Variants in PLA2G4D observed in about 807,000 individuals in gnomAD.
PLA2G4D encodes the protein cytosolic phospholipase A2 delta.
In PLA2G4D, 80 loss-of-function variants were observed where a neutral mutation model predicts 94.4. The observed-to-expected ratio is 0.85, with a 90% confidence interval of 0.71 to 1.02. The LOEUF is 1.02. Among genes scored for constraint, PLA2G4D ranks in the 50% least tolerant of loss-of-function variants. PLA2G4D has a pLI of 0.00. For synonymous variants in PLA2G4D, 438 were observed against 440.9 expected (o/e 0.99, Z 0.08); for missense variants, 1,050 against 1,034.7 (o/e 1.01, Z -0.20).
At chr15:42,072,200 A>C in intron 14 of PLA2G4D, 75 bp downstream of exon 14, 1 of 1,337,394 alleles carries the variant, frequency 7.5e-7, no homozygotes, top group Non-Finnish European at 1.1e-6. Context: ...TTCCAGCATG[A>C]ATTCTCTGGG....
chr15:42,070,283 A>T (rs557257120), intron 18 of PLA2G4D, 188 bp from the exon 19 acceptor site: 146 of 585,912 alleles, frequency 2.5e-4, no homozygotes, highest in Non-Finnish European at 3.4e-4. Context: ...GTGGTCTGCA[A>T]TGTTGTTTGG....
At chr15:42,072,414 G>T (rs1465011135) in intron 13 of PLA2G4D, 22 bp from the exon 14 acceptor site, 2 of 1,584,450 alleles carry the variant, frequency 1.3e-6, no homozygotes, top group Non-Finnish European at 1.7e-6. Context: ...GGGCATCAGG[G>T]CCTAAGTGAG....
At chr15:42,083,389 G>T in intron 7 of PLA2G4D, 55 bp from the exon 8 acceptor site, 1 of 1,565,752 alleles carries the variant, frequency 6.4e-7, no homozygotes, top group South Asian at 1.2e-5. Context: ...ACCCCAGCTC[G>T]GACCTGGGAC....
chr15:42,089,758 C>T (rs1890218051), intron 1 of PLA2G4D, among the ~76,000 whole-genome samples: 1 of 152,194 alleles, frequency 6.6e-6, no homozygotes, highest in African/African-American at 2.4e-5. Context: ...CCTCGCTCCC[C>T]TGCTCCCCCG....
rs1890055596 is a variant in PLA2G4D, at chr15:42,082,372, G to A, written c.690C>T (p.Gly230=). ...ACCCAGCTGAGTTGTCCCCATTCCA[G>A]CCATTGCTTCTGGAGCTCTGAAGGG... ...SGRLRSSRSN[G]WNGDNSAGYL... Residue 230 remains glycine, a synonymous_variant, in exon 9 of 20, where the codon GGC becomes GGT. Transcript: ENST00000290472. 30 of 1,613,950 alleles carry A rather than the reference G, an allele frequency of 1.9e-5. No homozygotes were observed. Among genetic ancestry groups the A allele is most frequent in the Non-Finnish European group, 2.5e-5 (30 of 1,179,902 alleles).
chr15:42,089,902 C>G (rs1332052200), intron 1 of PLA2G4D, among the ~76,000 whole-genome samples: 1 of 152,212 alleles, frequency 6.6e-6, no homozygotes, highest in Non-Finnish European at 1.5e-5. Flanking sequence ...TCATTTCTCC[C>G]TCCCATCACT....
intron 1 of PLA2G4D, among the ~76,000 whole-genome samples, chr15:42,088,858 C>T (rs2141103796): frequency 6.6e-6 from 1 of 152,246 alleles, no homozygotes; most frequent in East Asian, 1.9e-4. Flanking sequence ...GGGGATCCTG[C>T]AGGGCCACAG....
Position 42,069,915 on chromosome 15 carries a change from C to A in PLA2G4D, c.2224G>T (p.Ala742Ser). 1 of 1,422,184 alleles carries A rather than the reference C, an allele frequency of 7.0e-7. No individual in the cohort carries two copies. Among genetic ancestry groups the A allele is most frequent in the Non-Finnish European group, 9.2e-7 (1 of 1,088,082 alleles). 88.1% of individuals were successfully genotyped at this position (1,422,184 alleles called of 1,614,324 possible). The change falls in exon 19 of 20, where the codon GCC (alanine) becomes TCC (serine). Residue 742 changes from alanine (A) to serine (S), a missense_variant. Physicochemically the swap from Ala to Ser is moderately conservative, Grantham distance 99. Transcript: ENST00000290472. Reference sequence around the variant, plus strand: ...TTGGGAGGGGCTGCCTCACCGGGGGCTGAGTGGTCCTTGAAGGAGGCATTG... The same window carrying A: ...TTGGGAGGGGCTGCCTCACCGGGGGATGAGTGGTCCTTGAAGGAGGCATTG... The part of the protein sequence containing the change: ...LVNASFKDHS[A>S]PGVQRSPAEL...
At position 42,081,560 on chromosome 15, in the gene PLA2G4D, G is replaced by A. The variant is rs1245140283; in HGVS notation, c.876C>T (p.Ala292=). The change falls in exon 11 of 20, where the codon GCC becomes GCT. Residue 292 remains alanine, a synonymous_variant. Transcript: ENST00000290472. ...LGFNLCAEEQ[A]FLSRRKQVVA... ...CCACCTGCTTCCTCCTGCTCAGGAA[G>A]GCCTGCTCCTCTGCACAGAGATTGA... 1.2e-6 allele frequency: 2 copies of A among 1,614,208 alleles called. No individual in the cohort carries two copies. Among genetic ancestry groups the A allele is most frequent in the African/African-American group, 1.3e-5 (1 of 75,056 alleles).
intron 13 of PLA2G4D, among the ~76,000 whole-genome samples, chr15:42,078,959 T>G (rs1490165617): frequency 6.6e-6 from 1 of 152,258 alleles, no homozygotes; most frequent in Non-Finnish European, 1.5e-5. Flanking sequence ...TAGTTTTGTC[T>G]TGATGCTGTT....
rs142001551 is a variant in PLA2G4D at position 42,081,073 on chromosome 15, C to G, written c.1018G>C (p.Gly340Arg). 6.2e-7 allele frequency: 1 copy of G among 1,614,140 alleles called. No individual in the cohort carries two copies. The highest frequency in any genetic ancestry group is 2.2e-5 in the East Asian group (1 of 44,878). The change falls in exon 12 of 20, where the codon GGC becomes CGC. Residue 340 changes from glycine (G) to arginine (R), a missense_variant. Coordinates refer to ENST00000290472, the MANE Select transcript of PLA2G4D (RefSeq NM_178034.4). ...AGCTTCTGCAAGGCCAATAGGTGGC[C>G]GTAGAGTGAGGTCATGGCCCGGGCA... ...GGARAMTSLY[G>R]HLLALQKLGL...
chr15:42,081,013 T>C lies in PLA2G4D; in HGVS notation c.1078A>G (p.Ile360Val), dbSNP rs1372856712. 1 of 1,613,900 alleles carries C rather than the reference T, an allele frequency of 6.2e-7. No homozygotes were observed. The highest frequency in any genetic ancestry group is 1.3e-5 in the African/African-American group (1 of 74,916). Residue 360 changes from isoleucine (I) to valine (V), a missense_variant, in exon 12 of 20, where the codon ATC (isoleucine) becomes GTC (valine). Physicochemically the swap from Ile to Val is conservative, Grantham distance 29. Coordinates refer to ENST00000290472, the MANE Select transcript of PLA2G4D (RefSeq NM_178034.4). ...LLDCVTYFSG[I>V]SGSTWTMAHL... is the part of the protein sequence containing the mutation. The stretch of plus-strand genomic sequence containing the variant: ...GATCCTCACCACGTAGAGCCAGAGA[T>C]GCCACTGAAGTAGGTCACACAGTCT...
intron 4 of PLA2G4D, among the ~76,000 whole-genome samples, chr15:42,085,750 T>C (rs1431064317): frequency 6.6e-6 from 1 of 152,174 alleles, no homozygotes; most frequent in African/African-American, 2.4e-5. Flanking sequence ...AGAACAGGTC[T>C]CCCTCCCTTG....
chr15:42,070,950 C>T, intron 17 of PLA2G4D, 67 bp from the exon 18 acceptor site: 1 of 1,556,330 alleles, frequency 6.4e-7, no homozygotes, highest in Non-Finnish European at 8.7e-7. Context: ...CCCCTTCTCT[C>T]CTCTGGGTCA....
chr15:42,081,130 G>A lies in PLA2G4D; in HGVS notation c.961C>T (p.Pro321Ser), dbSNP rs748052934. The A allele has an allele frequency of 6.2e-7, 1 of 1,613,462 alleles. No individual in the cohort carries two copies. Among genetic ancestry groups the A allele is most frequent in the Non-Finnish European group, 8.5e-7 (1 of 1,179,648 alleles). ...CCTGTGGCCATGATGCCCACAACGG[G>A]TACCTGGACCACACACAGACAGGCT... is the stretch of plus-strand genomic sequence containing the variant. ...LDRDLQEDEV[P>S]VVGIMATGGG... is the part of the protein sequence containing the mutation. Residue 321 changes from proline (P) to serine (S), a missense_variant, in exon 12 of 20, where the codon CCC becomes TCC. Transcript: ENST00000290472.
intron 6 of PLA2G4D, 128 bp from the exon 7 acceptor site, chr15:42,083,907 G>T: frequency 2.2e-6 from 2 of 907,804 alleles, no homozygotes; most frequent in Non-Finnish European, 3.4e-6. Flanking sequence ...CTCAGGATGG[G>T]ATTGGCTGCA....
At chr15:42,091,448 C>A (rs143644674) in intron 1 of PLA2G4D, among the ~76,000 whole-genome samples, 12,334 of 152,268 alleles carry the variant, frequency 0.081, 586 homozygotes, top group Middle Eastern at 0.14. Flanking sequence ...CCAGACAGGG[C>A]CACCAGAAGG....
Position 42,087,433 on chromosome 15 carries a change from C to G in PLA2G4D, c.122G>C (p.Ser41Thr). Reference sequence around the variant, plus strand: ...TAGGATCACGTAAGGGTCGGCCTCACTCACTGCCAAGGTTAAGGAAGTCTT... The same window carrying G: ...TAGGATCACGTAAGGGTCGGCCTCAGTCACTGCCAAGGTTAAGGAAGTCTT... Reference protein sequence around the residue: ...ARNLRWADLLSEADPYVILQL... With the variant: ...ARNLRWADLLTEADPYVILQL... The change falls in exon 3 of 20, where the codon AGT becomes ACT. Residue 41 changes from serine to threonine, a missense_variant. Physicochemically the swap from Ser to Thr is moderately conservative, Grantham distance 58. Coordinates refer to ENST00000290472, the MANE Select transcript of PLA2G4D (RefSeq NM_178034.4). 5 of 1,614,080 alleles carry G rather than the reference C, an allele frequency of 3.1e-6. No individual in the cohort carries two copies. Among genetic ancestry groups the G allele is most frequent in the Non-Finnish European group, 3.4e-6 (4 of 1,180,004 alleles).
chr15:42,071,808 C>A lies in PLA2G4D; in HGVS notation c.1539G>T (p.Arg513Ser), dbSNP rs964165393. The part of the protein sequence containing the change: ...GSEFFMGRLM[R>S]RIPEPRICFL... ...AGCAGATCCGGGGCTCCGGGATCCT[C>A]CTCATCAGCCGTCCCATGAAGAACT... The change falls in exon 15 of 20, where the codon AGG becomes AGT. Residue 513 changes from arginine (R) to serine (S), a missense_variant. Arg to Ser is a moderately radical substitution (Grantham distance 110). Transcript: ENST00000290472. The A allele has an allele frequency of 6.2e-7, 1 of 1,614,194 alleles. No individual in the cohort carries two copies. Among genetic ancestry groups the A allele is most frequent in the Admixed American group, 1.7e-5 (1 of 60,030 alleles).
Sources: allele counts gnomAD v4.1 joint callset (sites outside exome capture counted in the v4.1 genomes callset), GRCh38; gene constraint gnomAD v4.1.1; transcripts MANE v1.5; gene names NCBI Gene and HGNC (gene_info 2026-07-23, HGNC 2026-07-21).